SLCO3A1: variants seen among roughly 807,000 people sequenced by gnomAD.
SLCO3A1 encodes solute carrier organic anion transporter family member 3A1.
Under a neutral mutation model 63.1 loss-of-function variants are expected in SLCO3A1, and 27 were observed. That is an observed-to-expected ratio of 0.43 (90% CI 0.32 to 0.59). The LOEUF (loss-of-function observed/expected upper bound fraction) is 0.59, where lower values mean the gene tolerates loss of function less well. Ranked by LOEUF, SLCO3A1 falls within the 20% of genes least tolerant of loss-of-function variation. The pLI is 0.09. For synonymous variants in SLCO3A1, 473 were observed against 409.9 expected (o/e 1.15, Z -1.86); for missense variants, 773 against 945.8 (o/e 0.82, Z 2.40).
At chr15:92,127,555 A>T (rs894530515) in intron 6 of SLCO3A1, among the ~76,000 whole-genome samples, 1 of 152,216 alleles carries the variant, frequency 6.6e-6, no homozygotes, top group African/African-American at 2.4e-5. Context: ...GGGTGTCGCC[A>T]TCGTCACCTT....
intron 2 of SLCO3A1, among the ~76,000 whole-genome samples, chr15:91,945,201 G>A (rs556851774): frequency 1.3e-5 from 2 of 152,258 alleles, no homozygotes; most frequent in African/African-American, 2.4e-5. Flanking sequence ...AATTAGCTGG[G>A]CATGGTGGCG....
rs532326916 is a variant in SLCO3A1, at chr15:91,918,754, T to C, written c.646+2296T>C. ...TAACTTTACTTCACAGTATTTGGGG[T>C]AGCCCACTGAACAGGATTGATATAA... On this transcript the variant is annotated intron_variant, in intron 2 of 9. Coordinates refer to ENST00000318445, the MANE Select transcript of SLCO3A1 (RefSeq NM_013272.4). Among the ~76,000 whole-genome samples, 4 of 152,318 alleles carry C rather than the reference T, an allele frequency of 2.6e-5. No homozygotes were observed. The East Asian group carries it at 7.7e-4, about 29-fold the overall frequency.
intron 2 of SLCO3A1, among the ~76,000 whole-genome samples, chr15:92,045,733 A>C (rs773944502): frequency 1.3e-5 from 2 of 152,206 alleles, no homozygotes; most frequent in African/African-American, 2.4e-5. Flanking sequence ...TGTAATGCAG[A>C]GGCAAGGTGC....
intron 2 of SLCO3A1, among the ~76,000 whole-genome samples, chr15:92,046,334 G>A (rs2046862770): frequency 6.6e-6 from 1 of 151,844 alleles, no homozygotes; most frequent in African/African-American, 2.4e-5. Flanking sequence ...GGCCAACATG[G>A]TGAAACCTTG....
intron 2 of SLCO3A1, among the ~76,000 whole-genome samples, chr15:92,088,924 G>A (rs2047437365): frequency 6.6e-6 from 1 of 152,148 alleles, no homozygotes; most frequent in African/African-American, 2.4e-5. Context: ...ATTGGGATGT[G>A]GAGGTTTTTG....
At chr15:92,059,500 G>T (rs984485486) in intron 2 of SLCO3A1, among the ~76,000 whole-genome samples, 5 of 152,042 alleles carry the variant, frequency 3.3e-5, no homozygotes, top group Admixed American at 6.5e-5. Context: ...CACATGCCTG[G>T]CCCTCAGGGA....
intron 2 of SLCO3A1, among the ~76,000 whole-genome samples, chr15:92,001,780 G>A (rs1363900591): frequency 6.6e-6 from 1 of 150,812 alleles, no homozygotes; most frequent in Non-Finnish European, 1.5e-5. Context: ...ACTTTGCCGG[G>A]CATTTTAGAA....
intron 1 of SLCO3A1, among the ~76,000 whole-genome samples, chr15:91,914,691 T>G (rs1898596837): frequency 6.6e-6 from 1 of 150,982 alleles, no homozygotes; most frequent in African/African-American, 2.4e-5. Flanking sequence ...TGCCTCAGCC[T>G]TCCCTGAGTA....
chr15:92,053,696 G>GTT (rs56305523), intron 2 of SLCO3A1, among the ~76,000 whole-genome samples: 3 of 23,936 alleles, frequency 1.3e-4, no homozygotes, highest in African/African-American at 1.9e-4. Flanking sequence ...TTGTTTGTTT[G>GTT]TTTTTTTTTT....
At chr15:92,131,004 G>C (rs2047988838) in intron 7 of SLCO3A1, among the ~76,000 whole-genome samples, 1 of 151,486 alleles carries the variant, frequency 6.6e-6, no homozygotes, top group African/African-American at 2.4e-5. Flanking sequence ...CATTTTCCCT[G>C]GTTTCATCAA....
chr15:92,155,965 AAAAGCATAGGG>A (rs1319632268), intron 9 of SLCO3A1, among the ~76,000 whole-genome samples: 1 of 152,164 alleles, frequency 6.6e-6, no homozygotes. Context: ...CCGCCTAGCC[AAAAGCATAGGG>A]AAGGCCCTCG....
chr15:92,165,024 A>C lies in SLCO3A1; in HGVS notation c.*1889A>C. On this transcript the variant is annotated 3_prime_UTR_variant, in exon 10 of 10. Transcript: ENST00000318445. ...TTTGCATTTTACCCACAAGGCAAAC[A>C]AAAGAATCAGGAAGTAAAAAATGGT... 1 of 985,386 alleles carries C rather than the reference A, an allele frequency of 1.0e-6. No individual in the cohort carries two copies. The highest frequency in any genetic ancestry group is 1.1e-4 in the East Asian group (1 of 8,820). 61.0% of individuals were successfully genotyped at this position (985,386 alleles called of 1,614,324 possible).
intron 2 of SLCO3A1, among the ~76,000 whole-genome samples, chr15:91,996,359 T>C (rs2046191623): frequency 6.6e-6 from 1 of 151,992 alleles, no homozygotes; most frequent in Admixed American, 6.5e-5. Flanking sequence ...AAACAAAGGG[T>C]AAAATATACC....
At chr15:91,869,065 C>T (rs1048697615) in intron 1 of SLCO3A1, among the ~76,000 whole-genome samples, 2 of 151,992 alleles carry the variant, frequency 1.3e-5, no homozygotes, top group Non-Finnish European at 1.5e-5. Flanking sequence ...GACCGTTAAC[C>T]GCACCTTCCT....
intron 1 of SLCO3A1, among the ~76,000 whole-genome samples, chr15:91,879,216 G>GAC (rs1205494026): frequency 1.3e-5 from 2 of 152,056 alleles, no homozygotes; most frequent in Non-Finnish European, 2.9e-5. Flanking sequence ...TTTATTGCTT[G>GAC]ACCCTGAGTG....
rs527492545 is a variant in SLCO3A1, at chr15:92,079,952, A to T, written c.647-14929A>T. ...AGGACCCCACTGGGCTCACACACAGAATGCGGGCCCTTCAGGAAGGCACAA... is the reference window on the plus strand; with the variant it reads ...AGGACCCCACTGGGCTCACACACAGTATGCGGGCCCTTCAGGAAGGCACAA... On this transcript the variant is annotated intron_variant, in intron 2 of 9. Transcript: ENST00000318445. Among the ~76,000 whole-genome samples, 22 of 152,376 alleles carry T rather than the reference A, an allele frequency of 1.4e-4. No individual in the cohort carries two copies. In the South Asian group the frequency reaches 4.6e-3, roughly 32 times the overall value.
intron 2 of SLCO3A1, among the ~76,000 whole-genome samples, chr15:91,987,551 A>G (rs1252392352): frequency 1.3e-5 from 2 of 151,974 alleles, no homozygotes; most frequent in Non-Finnish European, 2.9e-5. Flanking sequence ...AGACCAGCCT[A>G]GCCAACATCA....
chr15:91,970,682 A>C (rs1900826851), intron 2 of SLCO3A1, among the ~76,000 whole-genome samples: 1 of 152,120 alleles, frequency 6.6e-6, no homozygotes, highest in Non-Finnish European at 1.5e-5. Flanking sequence ...GTTTCCCCTG[A>C]CCAAAAAACA....
At chr15:92,142,143 C>T (rs1596138993) in intron 7 of SLCO3A1, among the ~76,000 whole-genome samples, 1 of 152,308 alleles carries the variant, frequency 6.6e-6, no homozygotes, top group Middle Eastern at 3.4e-3. Context: ...CCAGCTTTTC[C>T]TCTTGGACAC....
Sources: gnomAD v4.1 joint callset for allele counts (sites outside exome capture counted in the v4.1 genomes callset) on GRCh38, gnomAD v4.1.1 for gene constraint, MANE v1.5 for transcripts, NCBI Gene and HGNC (gene_info 2026-07-23, HGNC 2026-07-21) for gene names.